Variants in MARK2 observed in about 807,000 individuals in gnomAD.
MARK2 encodes the protein serine/threonine-protein kinase MARK2.
In MARK2, 16 loss-of-function variants were observed where a neutral mutation model predicts 89.8. That is an observed-to-expected ratio of 0.18 (90% CI 0.12 to 0.27). MARK2 has a LOEUF of 0.27. Ranked by LOEUF, MARK2 falls within the 10% of genes least tolerant of loss-of-function variation. The pLI is 1.00. For synonymous variants in MARK2, 382 were observed against 399.5 expected (o/e 0.96, Z 0.52); for missense variants, 621 against 1,049.9 (o/e 0.59, Z 5.65).
At chr11:63,856,389 A>T (rs1187861953) in intron 1 of MARK2, among the ~76,000 whole-genome samples, 19 of 110,358 alleles carry the variant, frequency 1.7e-4, no homozygotes, top group African/African-American at 6.0e-4. Flanking sequence ...TATTTCTTAA[A>T]TTTTTTTCTC....
chr11:63,874,640 A>G (rs538848889), intron 1 of MARK2, among the ~76,000 whole-genome samples: 9 of 152,178 alleles, frequency 5.9e-5, no homozygotes, highest in South Asian at 2.1e-4. Context: ...TGTGTTGCCA[A>G]TGCTTGCCCT....
chr11:63,895,887 C>G (rs1448759665), intron 3 of MARK2, among the ~76,000 whole-genome samples: 1 of 151,966 alleles, frequency 6.6e-6, no homozygotes, highest in Non-Finnish European at 1.5e-5. Context: ...CCAGGCTGGT[C>G]TCGAACTCCT....
intron 1 of MARK2, among the ~76,000 whole-genome samples, chr11:63,874,475 C>T (rs1323792212): frequency 1.3e-5 from 2 of 152,194 alleles, no homozygotes; most frequent in Admixed American, 6.5e-5. Flanking sequence ...TCCACTCCAC[C>T]CCCAAAAAAC....
rs140297272 is a variant in MARK2, at chr11:63,879,406, C to T, written c.55-15753C>T. Among the ~76,000 whole-genome samples, 539 of 152,190 alleles carry T rather than the reference C, an allele frequency of 3.5e-3. 7 individuals are homozygous for T. Among genetic ancestry groups the T allele is most frequent in the African/African-American group, 0.012 (512 of 41,506 alleles). On this transcript the variant is annotated intron_variant, in intron 1 of 18. Transcript: ENST00000402010. The stretch of plus-strand genomic sequence containing the variant: ...ATGCCAAATGACAGAAAAGAAGCAC[C>T]CTCCTCTTCCCACCCAGAAAGGTTG...
intron 1 of MARK2, chr11:63,849,891 G>A (rs2016478573): frequency 6.7e-6 from 1 of 150,006 alleles, no homozygotes; most frequent in Admixed American, 6.6e-5. Flanking sequence ...CATCTTATAG[G>A]TATAGCTGTT....
intron 1 of MARK2, among the ~76,000 whole-genome samples, chr11:63,892,516 G>A (rs896368888): frequency 6.6e-6 from 1 of 152,106 alleles, no homozygotes; most frequent in Non-Finnish European, 1.5e-5. Context: ...GCCAGCAGGG[G>A]CCATGAAAGG....
chr11:63,896,142 T>C (rs1294882553), intron 3 of MARK2, among the ~76,000 whole-genome samples: 1 of 152,214 alleles, frequency 6.6e-6, no homozygotes. Context: ...CTGTGGTGAC[T>C]CCTCCTGAGT....
chr11:63,839,842 C>A (rs567313759), intron 1 of MARK2, among the ~76,000 whole-genome samples: 139 of 152,260 alleles, frequency 9.1e-4, no homozygotes, highest in African/African-American at 3.2e-3. Flanking sequence ...GCTTCCCTTT[C>A]TCTTCCCTTT....
In MARK2 at chr11:63,902,777, T is replaced by C. The variant is rs1443210087; in HGVS notation, c.1411T>C (p.Ser471Pro). The C allele has an allele frequency of 1.2e-6, 2 of 1,610,040 alleles. No homozygotes were observed. Among genetic ancestry groups the C allele is most frequent in the Non-Finnish European group, 1.7e-6 (2 of 1,177,996 alleles). The change falls in exon 13 of 19, where the codon TCC becomes CCC. Residue 471 changes from serine (S) to proline (P), a missense_variant. Coordinates refer to ENST00000402010, the MANE Select transcript of MARK2 (RefSeq NM_001039469.3). This position sits in a 1 kb window ranked among gnomAD's most constrained non-coding sequence, Gnocchi z 4.2. ...LERKKTTPTP[S>P]TNSVLSTSTN... ...GAGGAAGAAGACCACCCCAACCCCC[T>C]CCACGGTGAGCCGCACCCCCCGCTC...
chr11:63,870,369 G>A (rs1591015827), intron 1 of MARK2, among the ~76,000 whole-genome samples: 1 of 152,100 alleles, frequency 6.6e-6, no homozygotes, highest in Admixed American at 6.5e-5. Flanking sequence ...CGTGGCGCCC[G>A]GCTGGGAATG....
At chr11:63,868,785 A>G (rs1282597130) in intron 1 of MARK2, 1 of 456,038 alleles carries the variant, frequency 2.2e-6, no homozygotes, top group Non-Finnish European at 4.4e-6. Flanking sequence ...AGTGTTGGGA[A>G]TATTGTCCAG....
intron 1 of MARK2, among the ~76,000 whole-genome samples, chr11:63,890,050 A>C (rs1047202693): frequency 6.6e-5 from 10 of 152,218 alleles, no homozygotes; most frequent in Non-Finnish European, 1.3e-4. Context: ...AGCCAGAACC[A>C]AAAAAGAGAA....
At chr11:63,865,885 T>C (rs1482341472) in intron 1 of MARK2, among the ~76,000 whole-genome samples, 2 of 152,174 alleles carry the variant, frequency 1.3e-5, no homozygotes, top group African/African-American at 4.8e-5. Flanking sequence ...AGTGCCACTT[T>C]TGTGTCCTGA....
In MARK2 at chr11:63,908,263, C is replaced by T; in HGVS notation, c.1965C>T (p.Asn655=). ...RNLSFRFARR[N]LNEPESKDRV... ...CTCCCTCGCTCTGTTTTTTGAGGAA[C>T]CTGAATGAACCTGAAAGCAAAGACC... is the stretch of plus-strand genomic sequence containing the variant. Residue 655 remains asparagine, a synonymous_variant, in exon 18 of 19, where the codon AAC becomes AAT. Coordinates refer to ENST00000402010, the MANE Select transcript of MARK2 (RefSeq NM_001039469.3). 3 of 1,562,928 alleles carry T rather than the reference C, an allele frequency of 1.9e-6. No individual in the cohort carries two copies. The highest frequency in any genetic ancestry group is 1.2e-5 in the South Asian group (1 of 85,006).
chr11:63,844,093 C>G (rs1364020051), intron 1 of MARK2, among the ~76,000 whole-genome samples: 2 of 152,112 alleles, frequency 1.3e-5, no homozygotes, highest in Non-Finnish European at 2.9e-5. Context: ...CCCTAGAGAT[C>G]AGGAAGGAAG....
chr11:63,871,136 G>C (rs1362152925), intron 1 of MARK2, among the ~76,000 whole-genome samples: 1 of 152,118 alleles, frequency 6.6e-6, no homozygotes, highest in Non-Finnish European at 1.5e-5. Flanking sequence ...GTGTGTGTAC[G>C]TGCGTGCATA....
intron 1 of MARK2, among the ~76,000 whole-genome samples, chr11:63,850,715 T>C (rs1015874285): frequency 1.3e-5 from 2 of 152,198 alleles, no homozygotes; most frequent in African/African-American, 4.8e-5. Flanking sequence ...CTTGAGTTTT[T>C]TGAGAGTTGA....
rs761160029 is a variant in MARK2 at position 63,903,170 on chromosome 11, G to A, written c.1514+12G>A. 87 of 1,601,962 alleles carry A rather than the reference G, an allele frequency of 5.4e-5. No homozygotes were observed. Among genetic ancestry groups the A allele is most frequent in the Non-Finnish European group, 7.0e-5 (82 of 1,170,886 alleles). On this transcript the variant is annotated intron_variant, in intron 14 of 18. Transcript: ENST00000402010. The surrounding 1 kb of genome is among the most constrained non-coding windows in gnomAD (Gnocchi z 5.1). ...AATGGCAAAGACAGGTGAGAGACCC[G>A]GGCCCTGCCTGCCTCACTCCCTAGG...
At chr11:63,888,445 C>A in intron 1 of MARK2, 1 of 849,834 alleles carries the variant, frequency 1.2e-6, no homozygotes, top group Non-Finnish European at 1.4e-6. Context: ...AGCTGTTACC[C>A]AGCAAAGCAC....
Sources: gnomAD v4.1 joint callset for allele counts (sites outside exome capture counted in the v4.1 genomes callset) on GRCh38, gnomAD v4.1.1 for gene constraint, Gnocchi (gnomAD v3.1) non-coding constraint, MANE v1.5 for transcripts, NCBI Gene and HGNC (gene_info 2026-07-23, HGNC 2026-07-21) for gene names.